TTBK1: variants seen among roughly 807,000 people sequenced by gnomAD.
TTBK1 encodes tau-tubulin kinase 1.
A neutral mutation model predicts 108.5 loss-of-function variants in TTBK1; 34 were observed. That is an observed-to-expected ratio of 0.31 (90% CI 0.24 to 0.42). The LOEUF is 0.42. TTBK1 is among the 10% of genes least tolerant of loss of function. The pLI is 1.00. For synonymous variants in TTBK1, 809 were observed against 795.1 expected, an observed-to-expected ratio of 1.02 and a Z score of -0.29; for missense variants, 1,539 against 1,826.0, an observed-to-expected ratio of 0.84 and a Z score of 2.86.
At position 43,259,096 on chromosome 6, in the gene TTBK1, C is replaced by A; in HGVS notation, c.1075C>A (p.Leu359Ile). The A allele has an allele frequency of 6.2e-7, 1 of 1,614,144 alleles. No homozygotes were observed. Among genetic ancestry groups the A allele is most frequent in the East Asian group, 2.2e-5 (1 of 44,876 alleles). Residue 359 changes from leucine (L) to isoleucine (I), a missense_variant, in exon 11 of 15, where the codon CTA (leucine) becomes ATA (isoleucine). Coordinates refer to ENST00000259750, the MANE Select transcript of TTBK1 (RefSeq NM_032538.3). The surrounding 1 kb of genome is among the most constrained non-coding windows in gnomAD (Gnocchi z 6.7). ...DLLRENTEDV[L>I]QGEHLSDQEN... ...GCTCCGGGAGAACACCGAGGATGTGCTACAGGGAGAGCACCTGAGTGACCA... is the reference window on the plus strand; with the variant it reads ...GCTCCGGGAGAACACCGAGGATGTGATACAGGGAGAGCACCTGAGTGACCA...
chr6:43,266,303 T>A (rs1777675523), intron 13 of TTBK1, among the ~76,000 whole-genome samples: 1 of 152,222 alleles, frequency 6.6e-6, no homozygotes, highest in Admixed American at 6.5e-5. Context: ...GGTCTGCAAG[T>A]GTGTACAGAA....
chr6:43,243,521 G>T lies in TTBK1; in HGVS notation c.-242G>T, dbSNP rs991342976. ...CCGCTCTGCCGCTGCCGCCGCCGTC[G>T]CCCAAGGAGGATCGGGGCCGGGCCG... On this transcript the variant is annotated 5_prime_UTR_variant, in exon 1 of 15. Transcript: ENST00000259750. The surrounding 1 kb of genome is among the most constrained non-coding windows in gnomAD (Gnocchi z 5.5). Among the ~76,000 whole-genome samples, 2 of 151,994 alleles carry T rather than the reference G, an allele frequency of 1.3e-5. No homozygotes were observed. The highest frequency in any genetic ancestry group is 1.9e-4 in the East Asian group (1 of 5,180).
At chr6:43,254,484 G>A in intron 5 of TTBK1, 63 bp from the exon 6 acceptor site, 1 of 1,165,112 alleles carries the variant, frequency 8.6e-7, no homozygotes, top group Non-Finnish European at 1.2e-6. Flanking sequence ...GTTTCTTGGT[G>A]CCCCTTGAGG....
chr6:43,259,378 C>G lies in TTBK1; in HGVS notation c.1248+109C>G, dbSNP rs1173673934. On this transcript the variant is annotated intron_variant, in intron 11 of 14. Coordinates refer to ENST00000259750, the MANE Select transcript of TTBK1 (RefSeq NM_032538.3). The surrounding 1 kb of genome is among the most constrained non-coding windows in gnomAD (Gnocchi z 6.7). ...TAAGCACCCTGTCCCCGGCCATCTG[C>G]CTGCTTGCCCTGCCTCTGTTTCCCG... 1.6e-6 allele frequency: 2 copies of G among 1,244,626 alleles called. No homozygotes were observed. Among genetic ancestry groups the G allele is most frequent in the Non-Finnish European group, 2.2e-6 (2 of 909,102 alleles). The allele number at this position is 1,244,626 out of a possible 1,614,324, so 77.1% of individuals were successfully genotyped here.
At position 43,284,065 on chromosome 6, in the gene TTBK1, GCCTCGT is replaced by G; in HGVS notation, c.3330_3335del (p.Ser1113_Ser1114del). The G allele has an allele frequency of 6.5e-7, 1 of 1,540,090 alleles. No homozygotes were observed. Among genetic ancestry groups the G allele is most frequent in the Non-Finnish European group, 8.8e-7 (1 of 1,142,108 alleles). On this transcript the variant is annotated inframe_deletion, in exon 14 of 15. Transcript: ENST00000259750. The stretch of plus-strand genomic sequence containing the variant: ...CCTGCTGTTGCGGCTGGCCTCAGGG[GCCTCGT>G]CCTCCTCCAGTGAGGAGCAGCGCCG...
intron 13 of TTBK1, among the ~76,000 whole-genome samples, chr6:43,275,001 G>A (rs757538190): frequency 1.3e-5 from 2 of 152,156 alleles, no homozygotes; most frequent in African/African-American, 2.4e-5. Flanking sequence ...TCCCTGCACA[G>A]GCTGTGGGGG....
At chr6:43,262,682 C>T in intron 12 of TTBK1, 107 bp from the exon 13 acceptor site, 1 of 1,143,732 alleles carries the variant, frequency 8.7e-7, no homozygotes, top group South Asian at 1.7e-5. Flanking sequence ...GGGAGGGGTA[C>T]TGCGGTCAGG....
chr6:43,251,948 G>A (rs560479272), intron 2 of TTBK1, among the ~76,000 whole-genome samples: 103 of 152,322 alleles, frequency 6.8e-4, no homozygotes, highest in African/African-American at 2.4e-3. Context: ...ATCCCAGGAA[G>A]TGCCGGCTTC....
Position 43,253,716 on chromosome 6 carries a change from C to T in TTBK1, c.471+8C>T, listed in dbSNP as rs2150686213. On this transcript the variant is annotated splice_region_variant and intron_variant, in intron 5 of 14. Coordinates refer to ENST00000259750, the MANE Select transcript of TTBK1 (RefSeq NM_032538.3). This position sits in a 1 kb window ranked among gnomAD's most constrained non-coding sequence, Gnocchi z 5.8. ...CACCGTGACATCAAGCCTGTGAGTA[C>T]TGCCCCCACACGCCTCTCTGTTCCC... 1 of 1,610,070 alleles carries T rather than the reference C, an allele frequency of 6.2e-7. No homozygotes were observed. The highest frequency in any genetic ancestry group is 1.3e-5 in the African/African-American group (1 of 74,954).
Position 43,255,647 on chromosome 6 carries a change from G to A in TTBK1, c.735+3G>A, listed in dbSNP as rs780795655. On this transcript the variant is annotated splice_donor_region_variant and intron_variant, in intron 8 of 14. Transcript: ENST00000259750. Reference sequence around the variant, plus strand: ...CCTGGAGGAAGATCAAGGACAAGGTGAGCCCCAGGCAGCTGGGTCTGAGGT... The same window carrying A: ...CCTGGAGGAAGATCAAGGACAAGGTAAGCCCCAGGCAGCTGGGTCTGAGGT... The A allele has an allele frequency of 7.4e-6, 12 of 1,614,034 alleles. No individual in the cohort carries two copies. Among genetic ancestry groups the A allele is most frequent in the African/African-American group, 1.3e-5 (1 of 74,926 alleles).
At chr6:43,250,348 CTTTTTTTTTTT>C (rs555371314) in intron 2 of TTBK1, among the ~76,000 whole-genome samples, 2 of 89,110 alleles carry the variant, frequency 2.2e-5, no homozygotes, top group African/African-American at 9.0e-5. Flanking sequence ...CCTGGCTTTG[CTTTTTTTTTTT>C]TTTTTTTTTT....
intron 7 of TTBK1, 72 bp downstream of exon 7, chr6:43,255,186 GGA>G: frequency 8.3e-7 from 1 of 1,201,288 alleles, no homozygotes; most frequent in Non-Finnish European, 1.2e-6. Flanking sequence ...GTGCTGCTGG[GGA>G]GGGGTGGGGA....
chr6:43,269,853 C>G lies in TTBK1; in HGVS notation c.1986+6503C>G. 2 of 1,534,048 alleles carry G rather than the reference C, an allele frequency of 1.3e-6. No individual in the cohort carries two copies. The highest frequency in any genetic ancestry group is 1.7e-6 in the Non-Finnish European group (2 of 1,145,550). The stretch of plus-strand genomic sequence containing the variant: ...GCGGGCGCCCCACCGGCGCCACGCG[C>G]CCCTCGCTGCTGGCAACCACAGACT... On this transcript the variant is annotated intron_variant, in intron 13 of 14. Coordinates refer to ENST00000259750, the MANE Select transcript of TTBK1 (RefSeq NM_032538.3). The surrounding 1 kb of genome is among the most constrained non-coding windows in gnomAD (Gnocchi z 4.8).
chr6:43,281,824 G>C (rs368289252), intron 13 of TTBK1, among the ~76,000 whole-genome samples: 1 of 152,160 alleles, frequency 6.6e-6, no homozygotes, highest in Admixed American at 6.5e-5. Context: ...AGGGCATTGC[G>C]GGTGCCTGGG....
rs1031730754 is a variant in TTBK1, at chr6:43,265,155, G to A, written c.1986+1805G>A. 6.6e-6 allele frequency among the ~76,000 whole-genome samples: 1 copy of A among 152,188 alleles called. No homozygotes were observed. The highest frequency in any genetic ancestry group is 1.5e-5 in the Non-Finnish European group (1 of 68,030). On this transcript the variant is annotated intron_variant, in intron 13 of 14. Coordinates refer to ENST00000259750, the MANE Select transcript of TTBK1 (RefSeq NM_032538.3). The surrounding 1 kb of genome is among the most constrained non-coding windows in gnomAD (Gnocchi z 4.1). ...AGTCATGGAGGGGATGCCGGAAGGG[G>A]CTCAGGGGCTGTGCCGCGTTCCACA...
chr6:43,276,279 C>G lies in TTBK1; in HGVS notation c.1987-6448C>G, dbSNP rs986618524. 6.6e-6 allele frequency among the ~76,000 whole-genome samples: 1 copy of G among 152,188 alleles called. No homozygotes were observed. The highest frequency in any genetic ancestry group is 1.5e-5 in the Non-Finnish European group (1 of 68,028). ...ACTCAAAACCACACACACGCTCACA[C>G]GCACACACACGCACACGAAGATGGG... is the stretch of plus-strand genomic sequence containing the variant. On this transcript the variant is annotated intron_variant, in intron 13 of 14. Coordinates refer to ENST00000259750, the MANE Select transcript of TTBK1 (RefSeq NM_032538.3). This position sits in a 1 kb window ranked among gnomAD's most constrained non-coding sequence, Gnocchi z 5.4.
rs780484757 is a variant in TTBK1 at position 43,283,588 on chromosome 6, C to T, written c.2848C>T (p.Arg950Trp). 2.8e-5 allele frequency: 45 copies of T among 1,614,132 alleles called. No individual in the cohort carries two copies. Among genetic ancestry groups the T allele is most frequent in the South Asian group, 1.5e-4 (14 of 91,086 alleles). Residue 950 changes from arginine (R) to tryptophan (W), a missense_variant, in exon 14 of 15, where the codon CGG becomes TGG. Physicochemically the swap from Arg to Trp is moderately radical, Grantham distance 101. This residue lies in a region of TTBK1 where 1,055 missense variants were observed against 1,086.5 expected (regional missense o/e 0.97). Transcript: ENST00000259750. This position sits in a 1 kb window ranked among gnomAD's most constrained non-coding sequence, Gnocchi z 8.1. ...NVMSSGGQAL[R>W]SEEFSAGGEL... ...CATGTCTTCCGGTGGACAAGCCTTGCGGTCTGAGGAGTTCAGCGCTGGGGG... is the reference window on the plus strand; with the variant it reads ...CATGTCTTCCGGTGGACAAGCCTTGTGGTCTGAGGAGTTCAGCGCTGGGGG...
At position 43,282,679 on chromosome 6, in the gene TTBK1, C is replaced by T. The variant is rs1228531767; in HGVS notation, c.1987-48C>T. On this transcript the variant is annotated intron_variant, in intron 13 of 14. Transcript: ENST00000259750. This position sits in a 1 kb window ranked among gnomAD's most constrained non-coding sequence, Gnocchi z 5.4. ...GGGTGCAGCTGAAGTCTTCCTGGGC[C>T]CAGGAGGGTGGGTGACCTCAGAGGG... is the stretch of plus-strand genomic sequence containing the variant. The T allele has an allele frequency of 2.0e-6, 3 of 1,511,928 alleles. No individual in the cohort carries two copies. The highest frequency in any genetic ancestry group is 2.8e-5 in the African/African-American group (2 of 71,542). 93.7% of individuals were successfully genotyped at this position (1,511,928 alleles called of 1,614,324 possible).
chr6:43,271,868 C>T, intron 13 of TTBK1: 1 of 859,148 alleles, frequency 1.2e-6, no homozygotes, highest in Non-Finnish European at 1.4e-6. Context: ...ATACTTGTGC[C>T]CCACCCCCAC....
Sources: allele counts gnomAD v4.1 joint callset (sites outside exome capture counted in the v4.1 genomes callset), GRCh38; gene constraint gnomAD v4.1.1; regional missense constraint gnomAD v4.1.1; non-coding constraint Gnocchi (gnomAD v3.1); transcripts MANE v1.5; gene names NCBI Gene and HGNC (gene_info 2026-07-23, HGNC 2026-07-21).